Variants in GLB1L3 observed in about 807,000 individuals in gnomAD.
GLB1L3 encodes the protein galactosidase beta 1 like 3.
Under a neutral mutation model 89.5 loss-of-function variants are expected in GLB1L3, and 89 were observed. The ratio of observed to expected loss-of-function variants is 0.99; its 90% CI spans 0.84 to 1.19. The LOEUF is 1.19. Among genes scored for constraint, GLB1L3 ranks in the 50% most tolerant of loss-of-function variants. GLB1L3 has a pLI of 0.00. For missense variants in GLB1L3, 812 were observed against 813.3 expected, an observed-to-expected ratio of 1.00 and a Z score of 0.02; for synonymous variants, 314 against 312.3, an observed-to-expected ratio of 1.01 and a Z score of -0.06.
chr11:134,288,399 G>T (rs908872877), intron 6 of GLB1L3, among the ~76,000 whole-genome samples: 3 of 152,306 alleles, frequency 2.0e-5, no homozygotes, highest in Non-Finnish European at 2.9e-5. Context: ...GAGGGGCTGT[G>T]CCCAGAGCCA....
chr11:134,314,652 C>T (rs958366931), intron 18 of GLB1L3, among the ~76,000 whole-genome samples: 5 of 152,128 alleles, frequency 3.3e-5, no homozygotes, highest in Non-Finnish European at 7.4e-5. Flanking sequence ...AAAATTCAAA[C>T]AATAACAAGA....
intron 10 of GLB1L3, among the ~76,000 whole-genome samples, chr11:134,308,357 TACCACCACCACC>T (rs762722221): frequency 1.6e-4 from 2 of 12,222 alleles, no homozygotes; most frequent in Non-Finnish European, 3.2e-4. Flanking sequence ...CCATCACCAC[TACCACCACCACC>T]ACCACCACCA....
At chr11:134,308,244 T>TCAC (rs1565412657) in intron 10 of GLB1L3, among the ~76,000 whole-genome samples, 3 of 19,810 alleles carry the variant, frequency 1.5e-4, no homozygotes, top group African/African-American at 2.7e-4. Context: ...ACCATCACCA[T>TCAC]CACCACCATC....
intron 3 of GLB1L3, among the ~76,000 whole-genome samples, chr11:134,280,479 A>G (rs575683224): frequency 1.3e-5 from 2 of 152,216 alleles, no homozygotes; most frequent in South Asian, 4.1e-4. Context: ...ACACAGTTCA[A>G]ATCTGTATCC....
intron 12 of GLB1L3, 22 bp from the exon 13 acceptor site, chr11:134,311,042 C>G (rs760743542): frequency 6.3e-7 from 1 of 1,585,942 alleles, no homozygotes; most frequent in Non-Finnish European, 8.7e-7. Flanking sequence ...ACTTTTTGCC[C>G]TGTGCCCCAT....
rs199690485 is a variant in GLB1L3 at position 134,309,510 on chromosome 11, C to T, written c.962-116C>T. 1.5e-5 allele frequency: 9 copies of T among 611,226 alleles called. No homozygotes were observed. In the East Asian group the frequency reaches 1.8e-4, roughly 13 times the overall value. 37.9% of individuals were successfully genotyped at this position (611,226 alleles called of 1,614,324 possible). A position where few individuals can be genotyped will look rare whatever the true frequency, so the allele number is the denominator to read the frequency against. ...CCCAAGAATGTATATAGCCGTGAAG[C>T]GAGGAGTTACTGTAACTGATTGTGG... is the stretch of plus-strand genomic sequence containing the variant. On this transcript the variant is annotated intron_variant, in intron 10 of 19. Coordinates refer to ENST00000431683, the MANE Select transcript of GLB1L3 (RefSeq NM_001080407.3).
intron 7 of GLB1L3, among the ~76,000 whole-genome samples, chr11:134,289,929 C>G (rs767541307): frequency 2.6e-5 from 4 of 152,204 alleles, no homozygotes; most frequent in Non-Finnish European, 4.4e-5. Flanking sequence ...TGGCCTGAGC[C>G]GTCCTGACTC....
At position 134,292,225 on chromosome 11, in the gene GLB1L3, G is replaced by A; in HGVS notation, c.811+12G>A. 1 of 1,602,396 alleles carries A rather than the reference G, an allele frequency of 6.2e-7. No homozygotes were observed. The highest frequency in any genetic ancestry group is 8.5e-7 in the Non-Finnish European group (1 of 1,170,332). ...CCACACCAAAGGAGGTACACATTTAGAGTTAGTTCACAGGAGAACAGGGCT... is the reference window on the plus strand; with the variant it reads ...CCACACCAAAGGAGGTACACATTTAAAGTTAGTTCACAGGAGAACAGGGCT... On this transcript the variant is annotated intron_variant, in intron 8 of 19. Transcript: ENST00000431683.
At chr11:134,301,384 A>G (rs1205790328) in intron 9 of GLB1L3, among the ~76,000 whole-genome samples, 2 of 152,200 alleles carry the variant, frequency 1.3e-5, no homozygotes, top group African/African-American at 4.8e-5. Flanking sequence ...TTCTAGGAAT[A>G]TGTCCATTTC....
chr11:134,320,937 A>G (rs1190389930), downstream of GLB1L3, among the ~76,000 whole-genome samples: 3 of 141,368 alleles, frequency 2.1e-5, no homozygotes, highest in South Asian at 4.3e-4. Context: ...AACTCATTAC[A>G]TACTGTGGAT....
chr11:134,314,074 C>G, intron 17 of GLB1L3, 46 bp downstream of exon 17: 1 of 1,266,778 alleles, frequency 7.9e-7, no homozygotes, highest in Non-Finnish European at 1.1e-6. Context: ...GATCGGGGAA[C>G]TCAGAGATTT....
chr11:134,308,502 C>CCAT (rs1942493193), intron 10 of GLB1L3, among the ~76,000 whole-genome samples: 1 of 6,800 alleles, frequency 1.5e-4, no homozygotes, highest in Non-Finnish European at 2.7e-4. Flanking sequence ...CCACCAAATA[C>CCAT]CACCACCACC....
intron 6 of GLB1L3, among the ~76,000 whole-genome samples, chr11:134,287,909 A>G (rs917753693): frequency 6.6e-6 from 1 of 152,136 alleles, no homozygotes; most frequent in African/African-American, 2.4e-5. Context: ...TCTTTTGTCC[A>G]AGAGGGAGGA....
At chr11:134,323,514 G>T (rs2136244712), downstream of GLB1L3, among the ~76,000 whole-genome samples, 1 of 152,128 alleles carries the variant, frequency 6.6e-6, no homozygotes, top group Non-Finnish European at 1.5e-5. Context: ...GGCGGAGCTT[G>T]CAGTGAGCCG....
intron 9 of GLB1L3, among the ~76,000 whole-genome samples, chr11:134,304,874 T>C (rs1270845413): frequency 6.6e-6 from 1 of 152,196 alleles, no homozygotes; most frequent in Non-Finnish European, 1.5e-5. Context: ...AAAACTCTTT[T>C]TTATTAGAAT....
chr11:134,314,380 C>T lies in GLB1L3; in HGVS notation c.1718C>T (p.Ala573Val), dbSNP rs1333035793. The change falls in exon 18 of 20, where the codon GCC becomes GTC. Residue 573 changes from alanine (A) to valine (V), a missense_variant. Ala to Val is a moderately conservative substitution (Grantham distance 64). Coordinates refer to ENST00000431683, the MANE Select transcript of GLB1L3 (RefSeq NM_001080407.3). ...GTCCCAGACAGCCACCAGGGCCCGG[C>T]CTTCTACTGTGGGACCTTGAAGGCT... Reference protein sequence around the residue: ...KPVPDSHQGPAFYCGTLKAGP... With the variant: ...KPVPDSHQGPVFYCGTLKAGP... 6 of 1,551,510 alleles carry T rather than the reference C, an allele frequency of 3.9e-6. No homozygotes were observed. The highest frequency in any genetic ancestry group is 5.2e-6 in the Non-Finnish European group (6 of 1,147,002).
chr11:134,293,301 C>G, intron 9 of GLB1L3, 92 bp downstream of exon 9: 1 of 1,093,488 alleles, frequency 9.1e-7, no homozygotes, highest in Middle Eastern at 2.0e-4. Context: ...ACAGGTTTGA[C>G]AAGAAGACCG....
intron 12 of GLB1L3, 160 bp downstream of exon 12, chr11:134,310,811 G>A (rs1246238792): frequency 1.4e-5 from 9 of 632,882 alleles, no homozygotes; most frequent in East Asian, 2.7e-5. Flanking sequence ...GTTAAAATCT[G>A]TGTGATTTTT....
chr11:134,322,261 T>A (rs1022775983), downstream of GLB1L3, among the ~76,000 whole-genome samples: 1 of 152,204 alleles, frequency 6.6e-6, no homozygotes, highest in Admixed American at 6.5e-5. Flanking sequence ...GAGAAAGATA[T>A]ACTAATTTTG....
Sources: gnomAD v4.1 joint callset for allele counts (sites outside exome capture counted in the v4.1 genomes callset) on GRCh38, gnomAD v4.1.1 for gene constraint, MANE v1.5 for transcripts, NCBI Gene and HGNC (gene_info 2026-07-23, HGNC 2026-07-21) for gene names.